The following GRIN2B variants were observed in gnomAD, a reference collection of about 807,000 sequenced individuals.
GRIN2B encodes glutamate ionotropic receptor NMDA type subunit 2B.
In GRIN2B, 5 loss-of-function variants were observed where a neutral mutation model predicts 114.5. That is an observed-to-expected ratio of 0.04 (90% CI 0.02 to 0.09). The LOEUF is 0.09. Ranked by LOEUF, GRIN2B falls within the 10% of genes least tolerant of loss-of-function variation. The pLI, the probability that GRIN2B is intolerant of heterozygous loss-of-function variation, is 1.00. For synonymous variants in GRIN2B, 787 were observed against 745.1 expected (o/e 1.06, Z -0.92); for missense variants, 1,108 against 1,943.5 (o/e 0.57, Z 8.08).
chr12:13,615,305 G>C lies in GRIN2B; in HGVS notation c.1501-38C>G. The C allele has an allele frequency of 1.2e-6, 2 of 1,602,860 alleles. No individual in the cohort carries two copies. Among genetic ancestry groups the C allele is most frequent in the Non-Finnish European group, 1.7e-6 (2 of 1,169,918 alleles). On this transcript the variant is annotated intron_variant, in intron 7 of 13. Transcript: ENST00000609686. The surrounding 1 kb of genome is among the most constrained non-coding windows in gnomAD (Gnocchi z 5.8). ...CGCGATGCTCCAATTAAAACATTCA[G>C]GAGGGCAAGGGACCACCACAAGGAA... is the stretch of plus-strand genomic sequence containing the variant.
chr12:13,836,040 G>A (rs536272967), intron 3 of GRIN2B, among the ~76,000 whole-genome samples: 9 of 152,216 alleles, frequency 5.9e-5, no homozygotes, highest in Non-Finnish European at 1.2e-4. Flanking sequence ...TTCATACAGC[G>A]AAGCTGCAAG....
chr12:13,934,209 C>T (rs979862149), intron 2 of GRIN2B, among the ~76,000 whole-genome samples: 2 of 152,188 alleles, frequency 1.3e-5, no homozygotes, highest in Non-Finnish European at 2.9e-5. Flanking sequence ...CCCATGCCTA[C>T]CCATGCTCTT....
rs1238016550 is a variant in GRIN2B at position 13,550,670 on chromosome 12, T to G, written c.*12113A>C. The G allele has an allele frequency of 1.3e-5, 2 of 152,154 alleles. No individual in the cohort carries two copies. Among genetic ancestry groups the G allele is most frequent in the African/African-American group, 4.8e-5 (2 of 41,442 alleles). The allele number at this position is 152,154 out of a possible 1,614,324, so 9.4% of individuals were successfully genotyped here. A position where few individuals can be genotyped will look rare whatever the true frequency, so the allele number is the denominator to read the frequency against. On this transcript the variant is annotated 3_prime_UTR_variant, in exon 14 of 14. Transcript: ENST00000609686. ...CCACAAAGAAAATGCTGCCTTCACATAAAGCCTCTTTTCTGTAATCCAAGA... is the reference window on the plus strand; with the variant it reads ...CCACAAAGAAAATGCTGCCTTCACAGAAAGCCTCTTTTCTGTAATCCAAGA...
Position 13,598,570 on chromosome 12 carries a change from G to A in GRIN2B, c.2010+10033C>T, listed in dbSNP as rs1949106655. ...AGATGACACCCTCAAAGCAGCTTCA[G>A]TAGGTTAAAAAGTACAGAAAAAAGA... On this transcript the variant is annotated intron_variant, in intron 10 of 13. Coordinates refer to ENST00000609686, the MANE Select transcript of GRIN2B (RefSeq NM_000834.5). Among the ~76,000 whole-genome samples the A allele has an allele frequency of 2.6e-5, 4 of 152,120 alleles. No homozygotes were observed. The South Asian group carries it at 8.3e-4, about 32-fold the overall frequency.
intron 3 of GRIN2B, among the ~76,000 whole-genome samples, chr12:13,776,262 C>A (rs1301116925): frequency 6.6e-6 from 1 of 152,052 alleles, no homozygotes; most frequent in Non-Finnish European, 1.5e-5. Context: ...ATAACACACA[C>A]TGGGGCCTGT....
rs111827372 is a variant in GRIN2B, at chr12:13,578,340, A to G, written c.2011-6376T>C. On this transcript the variant is annotated intron_variant, in intron 10 of 13. Transcript: ENST00000609686. ...GGATTGCTGAGACAAGGGCATAAGA[A>G]GATTTGCAGCTTCCACCTTGGCCTT... 6.6e-3 allele frequency among the ~76,000 whole-genome samples: 1,010 copies of G among 152,308 alleles called. 9 individuals carry two copies. The highest frequency in any genetic ancestry group is 0.023 in the African/African-American group (964 of 41,544).
intron 3 of GRIN2B, among the ~76,000 whole-genome samples, chr12:13,825,496 T>TTGTGTGTGTGTGTGTGTGTGTGTG (rs55893904): frequency 1.6e-5 from 2 of 122,994 alleles, no homozygotes; most frequent in South Asian, 2.6e-4. Flanking sequence ...TATATATATT[T>TTGTGTGTGTGTGTGTGTGTGTGTG]TGTGTGTGTG....
intron 2 of GRIN2B, among the ~76,000 whole-genome samples, chr12:13,876,954 G>A (rs61914290): frequency 6.6e-6 from 1 of 152,124 alleles, no homozygotes; most frequent in Non-Finnish European, 1.5e-5. Context: ...AGAAACAAAG[G>A]CACTGTTCTA....
intron 4 of GRIN2B, among the ~76,000 whole-genome samples, chr12:13,685,187 C>T (rs567220067): frequency 6.6e-6 from 1 of 152,344 alleles, no homozygotes; most frequent in South Asian, 2.1e-4. Flanking sequence ...TCTGTAGCCT[C>T]TCTCTACTTC....
intron 3 of GRIN2B, among the ~76,000 whole-genome samples, chr12:13,766,222 G>A (rs1195391263): frequency 6.6e-6 from 1 of 152,152 alleles, no homozygotes; most frequent in Non-Finnish European, 1.5e-5. Context: ...TCAACCTCAG[G>A]CAAGCTAATT....
intron 2 of GRIN2B, among the ~76,000 whole-genome samples, chr12:13,935,464 G>A (rs573688188): frequency 9.9e-5 from 15 of 152,270 alleles, no homozygotes; most frequent in African/African-American, 3.1e-4. Flanking sequence ...CTCCCAGAGC[G>A]CTGACTATTG....
intron 8 of GRIN2B, among the ~76,000 whole-genome samples, chr12:13,612,677 G>T (rs1949381259): frequency 6.6e-6 from 1 of 152,156 alleles, no homozygotes; most frequent in African/African-American, 2.4e-5. Flanking sequence ...CATGTGTGCT[G>T]AATCCTTTCC....
chr12:13,562,977 A>G lies in GRIN2B; in HGVS notation c.4261T>C (p.Phe1421Leu), dbSNP rs879254129. Residue 1421 changes from phenylalanine to leucine, a missense_variant, in exon 14 of 14, where the codon TTC becomes CTC. Around this residue, in one of 19 missense-constraint regions of GRIN2B, gnomAD observed 478 missense variants for 506.0 expected, o/e 0.94. Coordinates refer to ENST00000609686, the MANE Select transcript of GRIN2B (RefSeq NM_000834.5). ...GGCTTGTTGGTGACAAGGGCCCGGAAGTCCGGCCTGGCTTTCGACGCCCCC... is the reference window on the plus strand; with the variant it reads ...GGCTTGTTGGTGACAAGGGCCCGGAGGTCCGGCCTGGCTTTCGACGCCCCC... Reference protein sequence around the residue: ...VAGASKARPDFRALVTNKPVV... With the variant: ...VAGASKARPDLRALVTNKPVV... 3 of 1,613,906 alleles carry G rather than the reference A, an allele frequency of 1.9e-6. No individual in the cohort carries two copies. The highest frequency in any genetic ancestry group is 2.5e-6 in the Non-Finnish European group (3 of 1,179,796).
intron 3 of GRIN2B, among the ~76,000 whole-genome samples, chr12:13,765,977 G>A (rs1863777870): frequency 6.6e-6 from 1 of 152,142 alleles, no homozygotes; most frequent in South Asian, 2.1e-4. Flanking sequence ...TCTAACCTCT[G>A]CCTAGTATAT....
chr12:13,779,757 A>G (rs1216140087), intron 3 of GRIN2B, among the ~76,000 whole-genome samples: 1 of 152,196 alleles, frequency 6.6e-6, no homozygotes, highest in Non-Finnish European at 1.5e-5. Flanking sequence ...AGTTAGAGCC[A>G]AACGACCTAG....
chr12:13,605,551 T>TCTCTCACACACACA, intron 10 of GRIN2B, among the ~76,000 whole-genome samples: 2 of 30,430 alleles, frequency 6.6e-5, no homozygotes, highest in South Asian at 1.3e-3. Flanking sequence ...TCTCTCTCTC[T>TCTCTCACACACACA]GACACACACA....
chr12:13,568,468 CAGA>C (rs1948668278), intron 12 of GRIN2B, among the ~76,000 whole-genome samples: 1 of 152,202 alleles, frequency 6.6e-6, no homozygotes, highest in African/African-American at 2.4e-5. Context: ...ACTAAAATTA[CAGA>C]AGCTCTTATA....
At chr12:13,590,804 C>T (rs1217690097) in intron 10 of GRIN2B, among the ~76,000 whole-genome samples, 1 of 152,084 alleles carries the variant, frequency 6.6e-6, no homozygotes. Flanking sequence ...TTATAATTTG[C>T]CCACTCCTGT....
intron 2 of GRIN2B, among the ~76,000 whole-genome samples, chr12:13,965,415 C>T (rs1867773557): frequency 1.3e-5 from 2 of 152,212 alleles, no homozygotes; most frequent in Non-Finnish European, 2.9e-5. Context: ...GCACTGGCCA[C>T]TTCTTTGTTA....
Sources: gnomAD v4.1 joint callset for allele counts (sites outside exome capture counted in the v4.1 genomes callset) on GRCh38, gnomAD v4.1.1 for gene constraint, gnomAD v4.1.1 regional missense constraint, Gnocchi (gnomAD v3.1) non-coding constraint, MANE v1.5 for transcripts, NCBI Gene and HGNC (gene_info 2026-07-23, HGNC 2026-07-21) for gene names.